The following IQCM variants were observed in gnomAD, a reference collection of about 807,000 sequenced individuals.
The protein encoded by IQCM is IQ motif containing M, also known as IQ domain-containing protein M.
In IQCM, 45 loss-of-function variants were observed where a neutral mutation model predicts 57.6. The observed-to-expected ratio is 0.78, with a 90% CI of 0.62 to 1.00. The LOEUF is 1.00. Ranked by LOEUF, IQCM falls within the 50% of genes least tolerant of loss-of-function variation. The probability of loss-of-function intolerance (pLI) is 0.00; values close to 1 mark genes in which losing one functional copy is unlikely to be tolerated. For missense variants in IQCM, 468 were observed against 511.6 expected (o/e 0.91, Z 0.82); for synonymous variants, 148 against 158.9 (o/e 0.93, Z 0.51).
intron 12 of IQCM, among the ~76,000 whole-genome samples, chr4:149,502,717 A>G (rs1743388895): frequency 6.6e-6 from 1 of 152,092 alleles, no homozygotes; most frequent in African/African-American, 2.4e-5. Flanking sequence ...ACAAACAAAT[A>G]AAATAGAGAG....
chr4:149,460,278 G>A (rs780174000), intron 12 of IQCM, among the ~76,000 whole-genome samples: 11 of 151,956 alleles, frequency 7.2e-5, no homozygotes, highest in Non-Finnish European at 1.3e-4. Context: ...TTTTTGTGTT[G>A]TTGACCTTTT....
At chr4:149,738,777 G>A (rs1302689857) in intron 3 of IQCM, among the ~76,000 whole-genome samples, 1 of 152,206 alleles carries the variant, frequency 6.6e-6, no homozygotes, top group Non-Finnish European at 1.5e-5. Context: ...GTTGTCATTT[G>A]AGGCACTGAG....
chr4:149,644,095 A>C (rs1441560063), intron 7 of IQCM, among the ~76,000 whole-genome samples: 1 of 151,868 alleles, frequency 6.6e-6, no homozygotes, highest in Non-Finnish European at 1.5e-5. Context: ...CCAGTTGGTC[A>C]CCCTAAAATT....
rs528634603 is a variant in IQCM, at chr4:149,611,566, T to C, written c.681+9563A>G. Among the ~76,000 whole-genome samples the C allele has an allele frequency of 1.5e-4, 23 of 152,140 alleles. 1 individual carries two copies. The highest frequency in any genetic ancestry group is 4.8e-4 in the African/African-American group (20 of 41,554). On this transcript the variant is annotated intron_variant, in intron 8 of 13. Transcript: ENST00000636793. ...TGGAACTGGAGGACATTATGTAAAA[T>C]GAAATAAGCCAGGCACAAAAGAATA...
chr4:149,484,117 TTTTG>T (rs886602549), intron 12 of IQCM, among the ~76,000 whole-genome samples: 4 of 152,028 alleles, frequency 2.6e-5, no homozygotes, highest in South Asian at 4.1e-4. Flanking sequence ...CCTGCTCTTT[TTTTG>T]TTTGTTTGTT....
chr4:149,642,766 G>T (rs577374926), intron 7 of IQCM, among the ~76,000 whole-genome samples: 1 of 152,202 alleles, frequency 6.6e-6, no homozygotes, highest in African/African-American at 2.4e-5. Flanking sequence ...CCTTAGATTT[G>T]GGATAGATTC....
intron 11 of IQCM, 83 bp from the exon 12 acceptor site, chr4:149,548,672 T>C (rs1056423801): frequency 7.6e-6 from 5 of 654,126 alleles, no homozygotes. Flanking sequence ...TATTTTCCTG[T>C]CTACCAGTAA....
intron 8 of IQCM, among the ~76,000 whole-genome samples, chr4:149,598,166 A>G (rs1003038305): frequency 3.3e-5 from 5 of 152,198 alleles, no homozygotes; most frequent in Non-Finnish European, 5.9e-5. Flanking sequence ...AAATTATCCA[A>G]GAGGTCTGTG....
intron 8 of IQCM, among the ~76,000 whole-genome samples, chr4:149,594,602 A>G (rs1235255074): frequency 6.6e-6 from 1 of 152,118 alleles, no homozygotes; most frequent in African/African-American, 2.4e-5. Flanking sequence ...TAGTGCTATA[A>G]ATTTCCCTCT....
chr4:149,588,068 T>C (rs1752801539), intron 8 of IQCM, 71 bp from the exon 9 acceptor site: 1 of 565,590 alleles, frequency 1.8e-6, no homozygotes, highest in Non-Finnish European at 2.6e-6. Flanking sequence ...TTTAATTCCA[T>C]TGACGTTCTG....
At chr4:149,612,268 G>A (rs1424334373) in intron 8 of IQCM, among the ~76,000 whole-genome samples, 1 of 152,134 alleles carries the variant, frequency 6.6e-6, no homozygotes, top group Non-Finnish European at 1.5e-5. Context: ...AGGACCCAGA[G>A]CCAAACCATA....
chr4:149,753,800 T>C (rs1253629090), intron 2 of IQCM, among the ~76,000 whole-genome samples: 2 of 98,048 alleles, frequency 2.0e-5, no homozygotes, highest in South Asian at 4.0e-4. Flanking sequence ...GATTCCAACA[T>C]GTGTATAAAG....
At chr4:149,693,936 T>C (rs1304376409) in intron 5 of IQCM, among the ~76,000 whole-genome samples, 1 of 152,190 alleles carries the variant, frequency 6.6e-6, no homozygotes, top group Admixed American at 6.5e-5. Flanking sequence ...TATTCTCTAA[T>C]CTATCTTAAC....
At chr4:149,732,982 C>G (rs941229898) in intron 5 of IQCM, among the ~76,000 whole-genome samples, 1 of 152,164 alleles carries the variant, frequency 6.6e-6, no homozygotes, top group African/African-American at 2.4e-5. Context: ...AGGATTTTCA[C>G]TAGGAAGAAG....
At chr4:149,364,340 A>G (rs1191850982) in intron 13 of IQCM, among the ~76,000 whole-genome samples, 1 of 152,212 alleles carries the variant, frequency 6.6e-6, no homozygotes, top group Non-Finnish European at 1.5e-5. Context: ...TACAGAACAT[A>G]TCACAGCTCA....
At chr4:149,454,035 T>C (rs1298592837) in intron 12 of IQCM, among the ~76,000 whole-genome samples, 5 of 151,494 alleles carry the variant, frequency 3.3e-5, no homozygotes, top group African/African-American at 9.7e-5. Context: ...TGTTCATCAA[T>C]TGATGAGTAG....
chr4:149,594,632 T>A (rs1753580609), intron 8 of IQCM, among the ~76,000 whole-genome samples: 1 of 152,238 alleles, frequency 6.6e-6, no homozygotes, highest in South Asian at 2.1e-4. Flanking sequence ...TTTAAATGTG[T>A]CCCAGAGATT....
chr4:149,724,712 C>A lies in IQCM; in HGVS notation c.385+8532G>T, dbSNP rs183132848. Among the ~76,000 whole-genome samples the A allele has an allele frequency of 2.0e-5, 3 of 152,014 alleles. No individual in the cohort carries two copies. In the East Asian group the frequency reaches 5.8e-4, roughly 29 times the overall value. Reference sequence around the variant, plus strand: ...GAAATCTTGTTGAGCTTAATTAGAGCCTGTTTTCAAATTTAAATAACTCAA... The same window carrying A: ...GAAATCTTGTTGAGCTTAATTAGAGACTGTTTTCAAATTTAAATAACTCAA... On this transcript the variant is annotated intron_variant, in intron 5 of 13. Coordinates refer to ENST00000636793, the MANE Select transcript of IQCM (RefSeq NM_001363507.2).
chr4:149,458,043 G>T (rs1424231571), intron 12 of IQCM, among the ~76,000 whole-genome samples: 1 of 151,884 alleles, frequency 6.6e-6, no homozygotes, highest in African/African-American at 2.4e-5. Flanking sequence ...ATAGAGTAGG[G>T]AGGTAGATTT....
Sources: allele counts gnomAD v4.1 joint callset (sites outside exome capture counted in the v4.1 genomes callset), GRCh38; gene constraint gnomAD v4.1.1; transcripts MANE v1.5; gene names NCBI Gene and HGNC (gene_info 2026-07-23, HGNC 2026-07-21).